Variants in B4GALT6 observed in about 807,000 individuals in gnomAD.
B4GALT6 encodes beta-1,4-galactosyltransferase 6.
A neutral mutation model predicts 46.3 loss-of-function variants in B4GALT6; 14 were observed. That is an observed-to-expected ratio of 0.30 (90% CI 0.20 to 0.47). B4GALT6 has a LOEUF of 0.47. Ranked by LOEUF, B4GALT6 falls within the 20% of genes least tolerant of loss-of-function variation. The pLI is 0.99. For synonymous variants in B4GALT6, 168 were observed against 162.0 expected, an observed-to-expected ratio of 1.04 and a Z score of -0.28; for missense variants, 386 against 480.1, an observed-to-expected ratio of 0.80 and a Z score of 1.83.
At chr18:31,669,757 C>T (rs577755493) in intron 1 of B4GALT6, among the ~76,000 whole-genome samples, 1 of 152,286 alleles carries the variant, frequency 6.6e-6, no homozygotes, top group Non-Finnish European at 1.5e-5. Context: ...GGCAGCATCA[C>T]ATAGATTACT....
At chr18:31,635,092 G>T (rs2073841476) in intron 5 of B4GALT6, among the ~76,000 whole-genome samples, 2 of 152,092 alleles carry the variant, frequency 1.3e-5, no homozygotes, top group South Asian at 4.1e-4. Context: ...TTAGCTGGGT[G>T]TGGTGGCACA....
chr18:31,721,616 G>A, the B4GALT6 span, among the ~76,000 whole-genome samples: 2 of 152,184 alleles, frequency 1.3e-5, no homozygotes, highest in Non-Finnish European at 1.5e-5. Context: ...TGATAATGTC[G>A]ATAGGTCTTA....
At chr18:31,643,105 G>C (rs551512915) in intron 4 of B4GALT6, among the ~76,000 whole-genome samples, 2 of 152,072 alleles carry the variant, frequency 1.3e-5, no homozygotes, top group African/African-American at 2.4e-5. Flanking sequence ...AGGCAGGGAC[G>C]GGTAGGGGGA....
chr18:31,630,134 G>C lies in B4GALT6; in HGVS notation c.776+825C>G, dbSNP rs897475340. Among the ~76,000 whole-genome samples, 107 of 151,114 alleles carry C rather than the reference G, an allele frequency of 7.1e-4. 3 individuals carry two copies. The highest frequency in any genetic ancestry group is 2.8e-4 in the Non-Finnish European group (19 of 67,816). On this transcript the variant is annotated intron_variant, in intron 6 of 8. Coordinates refer to ENST00000306851, the MANE Select transcript of B4GALT6 (RefSeq NM_004775.5). ...GAGTGGGGAGGAGGAGTGGGGAGGA[G>C]GAAGAGGAAGAAGAAGAAAGAAACA... is the stretch of plus-strand genomic sequence containing the variant.
At chr18:31,634,103 G>A (rs2073826866) in intron 5 of B4GALT6, among the ~76,000 whole-genome samples, 1 of 152,182 alleles carries the variant, frequency 6.6e-6, no homozygotes, top group South Asian at 2.1e-4. Flanking sequence ...CACAGCTGGA[G>A]GGGTGGGGAG....
the B4GALT6 span, chr18:31,724,235 T>C: frequency 1.5e-5 from 5 of 341,420 alleles, no homozygotes; most frequent in East Asian, 8.1e-5. Context: ...TAATGGCTCC[T>C]GCTCAGTGCG....
At chr18:31,708,525 A>G in the B4GALT6 span, among the ~76,000 whole-genome samples, 1 of 152,164 alleles carries the variant, frequency 6.6e-6, no homozygotes, top group Non-Finnish European at 1.5e-5. Context: ...AGATCGTGCC[A>G]TTTCACTCCA....
chr18:31,646,506 C>A (rs1363584579), intron 3 of B4GALT6, among the ~76,000 whole-genome samples: 1 of 152,196 alleles, frequency 6.6e-6, no homozygotes, highest in Non-Finnish European at 1.5e-5. Context: ...AACTACAGAT[C>A]ATCTTTTAGC....
In B4GALT6 at chr18:31,626,352, G is replaced by A; in HGVS notation, c.932C>T (p.Pro311Leu). 1 of 1,605,714 alleles carries A rather than the reference G, an allele frequency of 6.2e-7. No homozygotes were observed. The highest frequency in any genetic ancestry group is 8.5e-7 in the Non-Finnish European group (1 of 1,174,190). ...VHYAGYNVTRPEGDLGKYKSI... is the reference protein window; with the variant it reads ...VHYAGYNVTRLEGDLGKYKSI... The stretch of plus-strand genomic sequence containing the variant: ...CTTGTATTTTCCTAAGTCTCCCTCT[G>A]GTCTGGTTACATTATATCCAGCATA... The change falls in exon 8 of 9, where the codon CCA becomes CTA. Residue 311 changes from proline (P) to leucine (L), a missense_variant. Physicochemically the swap from Pro to Leu is moderately conservative, Grantham distance 98 (BLOSUM62 -3). Coordinates refer to ENST00000306851, the MANE Select transcript of B4GALT6 (RefSeq NM_004775.5).
At chr18:31,674,441 T>C (rs1347612392) in intron 1 of B4GALT6, among the ~76,000 whole-genome samples, 2 of 152,044 alleles carry the variant, frequency 1.3e-5, no homozygotes, top group African/African-American at 4.8e-5. Flanking sequence ...CCAGAAGAGA[T>C]CCTTAAAAGT....
chr18:31,702,668 A>G, the B4GALT6 span, among the ~76,000 whole-genome samples: 20 of 152,332 alleles, frequency 1.3e-4, no homozygotes, highest in East Asian at 3.3e-3. Flanking sequence ...AAAAAGGCCT[A>G]AACAGGTGAA....
intron 2 of B4GALT6, among the ~76,000 whole-genome samples, chr18:31,664,459 A>C (rs1000938817): frequency 6.6e-6 from 1 of 152,184 alleles, no homozygotes; most frequent in Non-Finnish European, 1.5e-5. Flanking sequence ...AGCAAACTTT[A>C]ATCTAAGTAT....
the B4GALT6 span, among the ~76,000 whole-genome samples, chr18:31,691,768 T>C: frequency 6.6e-6 from 1 of 152,182 alleles, no homozygotes; most frequent in African/African-American, 2.4e-5. Flanking sequence ...GATTTCAGTA[T>C]TTCTGTGTCT....
chr18:31,655,810 A>G (rs1393654980), intron 3 of B4GALT6, among the ~76,000 whole-genome samples: 4 of 152,230 alleles, frequency 2.6e-5, no homozygotes, highest in Non-Finnish European at 5.9e-5. Flanking sequence ...CAAGGCTGCA[A>G]TAACAAAGTA....
chr18:31,686,646 T>C (rs1379311079), upstream of B4GALT6: 1 of 152,184 alleles, frequency 6.6e-6, no homozygotes, highest in East Asian at 1.9e-4. Context: ...CACTATTTTG[T>C]AACATTTTTA....
the B4GALT6 span, among the ~76,000 whole-genome samples, chr18:31,692,773 C>T: frequency 2.6e-5 from 4 of 152,108 alleles, no homozygotes; most frequent in African/African-American, 9.7e-5. Context: ...TATGCTCTTA[C>T]CCCCAAAAAT....
In B4GALT6 at chr18:31,638,677, C is replaced by G. The variant is rs754031469; in HGVS notation, c.555G>C (p.Gln185His). 6.2e-7 allele frequency: 1 copy of G among 1,614,074 alleles called. No homozygotes were observed. Among genetic ancestry groups the G allele is most frequent in the Non-Finnish European group, 8.5e-7 (1 of 1,179,990 alleles). The part of the protein sequence containing the change: ...FLHLIPMLQK[Q>H]RLEFAFYVIE... ...TGACATAAAACGCAAATTCCAGCCGCTGCTTCTGGAGCATTGGAATCAGAT... is the reference window on the plus strand; with the variant it reads ...TGACATAAAACGCAAATTCCAGCCGGTGCTTCTGGAGCATTGGAATCAGAT... The change falls in exon 5 of 9, where the codon CAG becomes CAC. Residue 185 changes from glutamine to histidine, a missense_variant. Coordinates refer to ENST00000306851, the MANE Select transcript of B4GALT6 (RefSeq NM_004775.5).
the B4GALT6 span, among the ~76,000 whole-genome samples, chr18:31,721,142 T>A: frequency 6.6e-6 from 1 of 150,892 alleles, no homozygotes; most frequent in Admixed American, 6.6e-5. Context: ...ATGAGAGTCC[T>A]TCAGAAAGTC....
intron 3 of B4GALT6, 137 bp from the exon 4 acceptor site, chr18:31,645,616 T>G (rs988651291): frequency 5.4e-6 from 4 of 742,514 alleles, no homozygotes; most frequent in Non-Finnish European, 8.3e-6. Context: ...CACCACAAAA[T>G]TATGAATAGC....
Sources: allele counts gnomAD v4.1 joint callset (sites outside exome capture counted in the v4.1 genomes callset), GRCh38; gene constraint gnomAD v4.1.1; transcripts MANE v1.5; gene names NCBI Gene and HGNC (gene_info 2026-07-23, HGNC 2026-07-21).